GBF1: variants seen among roughly 807,000 people sequenced by gnomAD.
The protein encoded by GBF1 is Golgi-specific brefeldin A-resistance guanine nucleotide exchange factor 1.
A neutral mutation model predicts 210.5 loss-of-function variants in GBF1; 114 were observed. The ratio of observed to expected loss-of-function variants is 0.54; its 90% CI spans 0.47 to 0.63. The LOEUF (loss-of-function observed/expected upper bound fraction) is 0.63, where lower values mean the gene tolerates loss of function less well. GBF1 is among the 30% of genes least tolerant of loss of function. The probability of loss-of-function intolerance (pLI) is 0.00; values close to 1 mark genes in which losing one functional copy is unlikely to be tolerated. For synonymous variants in GBF1, 850 were observed against 889.2 expected (o/e 0.96, Z 0.78); for missense variants, 1,851 against 2,357.7 (o/e 0.79, Z 4.45).
intron 4 of GBF1, among the ~76,000 whole-genome samples, chr10:102,344,957 T>C (rs899934813): frequency 4.6e-5 from 7 of 152,200 alleles, no homozygotes; most frequent in African/African-American, 1.7e-4. Flanking sequence ...TATGTTTTTC[T>C]ATGTCTTTAT....
chr10:102,284,426 T>C (rs2075771545), intron 3 of GBF1, among the ~76,000 whole-genome samples: 1 of 152,116 alleles, frequency 6.6e-6, no homozygotes, highest in Non-Finnish European at 1.5e-5. Context: ...CACTTTCCCT[T>C]CCCCTCCAGC....
At chr10:102,240,348 C>T in the GBF1 span, among the ~76,000 whole-genome samples, 7 of 152,238 alleles carry the variant, frequency 4.6e-5, no homozygotes, top group Non-Finnish European at 1.0e-4. Flanking sequence ...ATGCTCTGAT[C>T]TATTCTGAAT....
In GBF1 at chr10:102,379,926, G is replaced by A. The variant is rs147181246; in HGVS notation, c.4850G>A (p.Arg1617Gln). The change falls in exon 36 of 40, where the codon CGG becomes CAG. Residue 1617 changes from arginine (R) to glutamine (Q), a missense_variant. Transcript: ENST00000369983. ...PADVGGMEET[R>Q]MRASTLLSKV... ...GATGTGGGTGGGATGGAGGAGACCC[G>A]GATGAGGGCTTCCACATTGCTCTCT... The A allele has an allele frequency of 1.4e-5, 23 of 1,611,704 alleles. No homozygotes were observed. The highest frequency in any genetic ancestry group is 4.5e-5 in the East Asian group (2 of 44,872).
chr10:102,252,283 A>G (rs1417630617), intron 1 of GBF1, among the ~76,000 whole-genome samples: 5 of 151,604 alleles, frequency 3.3e-5, no homozygotes, highest in Non-Finnish European at 7.4e-5. Flanking sequence ...GGTTACGGTG[A>G]GCCGAGATTG....
intron 29 of GBF1, among the ~76,000 whole-genome samples, chr10:102,374,568 G>A (rs1339514592): frequency 6.6e-6 from 1 of 152,032 alleles, no homozygotes; most frequent in Non-Finnish European, 1.5e-5. Context: ...CTGGGTGACA[G>A]AGCAAAACCT....
At chr10:102,295,726 G>T (rs1188266876) in intron 3 of GBF1, among the ~76,000 whole-genome samples, 2 of 152,010 alleles carry the variant, frequency 1.3e-5, no homozygotes, top group East Asian at 3.8e-4. Flanking sequence ...TTTTTTAAAA[G>T]ACTTATGTGG....
the GBF1 span, chr10:102,231,870 C>T: frequency 6.4e-7 from 1 of 1,565,834 alleles, no homozygotes; most frequent in Non-Finnish European, 8.7e-7. Context: ...CTAAGCCACT[C>T]GCTGGCTCCC....
chr10:102,259,505 G>C (rs1342645069), intron 2 of GBF1, among the ~76,000 whole-genome samples: 1 of 152,034 alleles, frequency 6.6e-6, no homozygotes, highest in African/African-American at 2.4e-5. Flanking sequence ...CTGTTATACA[G>C]TTGGCTTTCT....
intron 20 of GBF1, 26 bp downstream of exon 20, chr10:102,367,236 AAGAAGACCCAGCAC>A: frequency 1.2e-6 from 2 of 1,611,690 alleles, no homozygotes; most frequent in Middle Eastern, 1.7e-4. Flanking sequence ...AGTCAAGGCA[AAGAAGACCCAGCAC>A]AGCTTGGGAG....
At position 102,366,303 on chromosome 10, in the gene GBF1, G is replaced by A. The variant is rs1263904717; in HGVS notation, c.2310-80G>A. 7.3e-6 allele frequency: 11 copies of A among 1,506,978 alleles called. No individual in the cohort carries two copies. In the East Asian group the frequency reaches 2.5e-4, roughly 34 times the overall value. The allele number at this position is 1,506,978 out of a possible 1,614,324, so 93.4% of individuals were successfully genotyped here. ...GCCTCCTCTCTTCCAGTAAGAGTAG[G>A]TTAGGAGGACAGTGACTAAAAGAGC... On this transcript the variant is annotated intron_variant, in intron 18 of 39. Coordinates refer to ENST00000369983, the MANE Select transcript of GBF1 (RefSeq NM_001377137.1). The surrounding 1 kb of genome is among the most constrained non-coding windows in gnomAD (Gnocchi z 4.0).
the GBF1 span, among the ~76,000 whole-genome samples, chr10:102,239,302 TACC>T: frequency 6.6e-6 from 1 of 152,226 alleles, no homozygotes; most frequent in Non-Finnish European, 1.5e-5. Context: ...TTCATTATGA[TACC>T]ACCTCTTTGG....
chr10:102,362,743 C>G, intron 15 of GBF1, 79 bp downstream of exon 15: 1 of 1,066,332 alleles, frequency 9.4e-7, no homozygotes, highest in African/African-American at 1.6e-5. Flanking sequence ...TTTTTCCTGT[C>G]CCCATATCAC....
chr10:102,231,006 C>G, the GBF1 span: 4 of 1,598,742 alleles, frequency 2.5e-6, no homozygotes, highest in East Asian at 4.5e-5. Context: ...GCGGCACCAG[C>G]CCCCCGAGCG....
intron 29 of GBF1, 150 bp downstream of exon 29, chr10:102,371,010 G>A (rs2060177151): frequency 1.3e-6 from 1 of 762,304 alleles, no homozygotes; most frequent in African/African-American, 1.7e-5. Flanking sequence ...CAGTCTAGCG[G>A]GTGGTACTGG....
At chr10:102,365,766 C>T (rs2059880838) in intron 18 of GBF1, among the ~76,000 whole-genome samples, 167 bp downstream of exon 18, 1 of 152,100 alleles carries the variant, frequency 6.6e-6, no homozygotes, top group South Asian at 2.1e-4. Flanking sequence ...CAAAAATTAG[C>T]TGGGCATGGT....
At position 102,370,375 on chromosome 10, in the gene GBF1, C is replaced by T. The variant is rs2060136609; in HGVS notation, c.3412-9C>T. The T allele has an allele frequency of 1.3e-6, 2 of 1,594,154 alleles. No homozygotes were observed. The highest frequency in any genetic ancestry group is 1.7e-6 in the Non-Finnish European group (2 of 1,162,218). On this transcript the variant is annotated splice_polypyrimidine_tract_variant and intron_variant, in intron 27 of 39. Transcript: ENST00000369983. ...CCATGCCTACTTTCCTGCTGCTGTT[C>T]CCCTTCAGGCTCTGGTCTCAGTGAC...
At chr10:102,245,359 C>T (rs2070711339), upstream of GBF1, among the ~76,000 whole-genome samples, 1 of 152,224 alleles carries the variant, frequency 6.6e-6, no homozygotes, top group Admixed American at 6.5e-5. Flanking sequence ...TGTCCCCTAA[C>T]ATACCCTTTC....
At position 102,375,347 on chromosome 10, in the gene GBF1, A is replaced by T. The variant is rs1019127069; in HGVS notation, c.3661-12A>T. 7 of 1,545,780 alleles carry T rather than the reference A, an allele frequency of 4.5e-6. No individual in the cohort carries two copies. In the African/African-American group the frequency reaches 9.5e-5, roughly 21 times the overall value. ...CCCCGCTTCCCCGCTCCCTGCCCTA[A>T]CCCCACTCCAGGTGCTGCTCTCCCT... On this transcript the variant is annotated splice_polypyrimidine_tract_variant and intron_variant, in intron 29 of 39. Coordinates refer to ENST00000369983, the MANE Select transcript of GBF1 (RefSeq NM_001377137.1).
At chr10:102,280,830 CG>C (rs1398469858) in intron 3 of GBF1, among the ~76,000 whole-genome samples, 1 of 152,098 alleles carries the variant, frequency 6.6e-6, no homozygotes, top group African/African-American at 2.4e-5. Flanking sequence ...AGTATATCAT[CG>C]GCAGATTTGG....
Sources: allele counts gnomAD v4.1 joint callset (sites outside exome capture counted in the v4.1 genomes callset), GRCh38; gene constraint gnomAD v4.1.1; non-coding constraint Gnocchi (gnomAD v3.1); transcripts MANE v1.5; gene names NCBI Gene and HGNC (gene_info 2026-07-23, HGNC 2026-07-21).